Variants in PIAS2 observed in about 807,000 individuals in gnomAD.
PIAS2 encodes the protein protein inhibitor of activated STAT 2.
Under a neutral mutation model 69.7 loss-of-function variants are expected in PIAS2, and 19 were observed. The ratio of observed to expected loss-of-function variants is 0.27; its 90% CI spans 0.19 to 0.40. The LOEUF is 0.40. PIAS2 is among the 10% of genes least tolerant of loss of function. The pLI is 1.00. For missense variants in PIAS2, 624 were observed against 757.0 expected (o/e 0.82, Z 2.06); for synonymous variants, 261 against 263.2 (o/e 0.99, Z 0.08).
At chr18:46,907,152 C>T (rs1221935322) in intron 1 of PIAS2, among the ~76,000 whole-genome samples, 2 of 152,224 alleles carry the variant, frequency 1.3e-5, no homozygotes, top group East Asian at 3.9e-4. Context: ...TCAGGGGAAA[C>T]AAGAGAAGGT....
chr18:46,822,459 C>T (rs1568364945), intron 11 of PIAS2, among the ~76,000 whole-genome samples: 1 of 152,194 alleles, frequency 6.6e-6, no homozygotes, highest in Non-Finnish European at 1.5e-5. Context: ...TTCCAAAAAT[C>T]AACCACATGT....
At chr18:46,916,403 T>TAA (rs34185543) in intron 1 of PIAS2, among the ~76,000 whole-genome samples, 1,992 of 147,002 alleles carry the variant, frequency 0.014, 35 homozygotes, top group African/African-American at 0.044. Flanking sequence ...TTGATACATT[T>TAA]AAAAAAAAAA....
At chr18:46,918,669 G>A (rs1440018459), upstream of PIAS2, among the ~76,000 whole-genome samples, 1 of 152,132 alleles carries the variant, frequency 6.6e-6, no homozygotes, top group Non-Finnish European at 1.5e-5. Context: ...TGATCCGCCC[G>A]CCTCGGCCTC....
intron 2 of PIAS2, among the ~76,000 whole-genome samples, chr18:46,886,835 C>T (rs867838231): frequency 1.3e-5 from 2 of 149,772 alleles, no homozygotes; most frequent in African/African-American, 5.0e-5. Context: ...AAGACTCTGT[C>T]CCCCCCCTCC....
chr18:46,846,801 C>A lies in PIAS2; in HGVS notation c.767G>T (p.Arg256Leu). The A allele has an allele frequency of 1.9e-6, 3 of 1,611,976 alleles. No individual in the cohort carries two copies. Among genetic ancestry groups the A allele is most frequent in the Non-Finnish European group, 2.5e-6 (3 of 1,178,934 alleles). The stretch of plus-strand genomic sequence containing the variant: ...TGTAATATTCAAGGGGCGTCCAGGG[C>A]GCTTCTGTTCAATCCCATTTTTAGG... ...PPPKNGIEQK[R>L]PGRPLNITSL... The change falls in exon 6 of 14, where the codon CGC becomes CTC. Residue 256 changes from arginine (R) to leucine (L), a missense_variant. Transcript: ENST00000585916.
intron 2 of PIAS2, among the ~76,000 whole-genome samples, chr18:46,874,988 G>A (rs2050937788): frequency 6.6e-6 from 1 of 152,146 alleles, no homozygotes; most frequent in Admixed American, 6.5e-5. Flanking sequence ...TCCACAGCCA[G>A]AGAAAAATGA....
Position 46,869,552 on chromosome 18 carries a change from C to T in PIAS2, c.500-5304G>A, listed in dbSNP as rs1458117558. 2.0e-5 allele frequency among the ~76,000 whole-genome samples: 3 copies of T among 152,282 alleles called. No individual in the cohort carries two copies. In the South Asian group the frequency reaches 6.2e-4, roughly 32 times the overall value. On this transcript the variant is annotated intron_variant, in intron 2 of 13. Transcript: ENST00000585916. ...ATCTCTAACATGTGGCATTGAGCCTCACATCAAACCTCCAGGATGGGAAAC... is the reference window on the plus strand; with the variant it reads ...ATCTCTAACATGTGGCATTGAGCCTTACATCAAACCTCCAGGATGGGAAAC...
chr18:46,829,723 T>C lies in PIAS2; in HGVS notation c.1336+11A>G, dbSNP rs754874977. On this transcript the variant is annotated intron_variant, in intron 10 of 13. Transcript: ENST00000585916. ...TCACTGCTTTACTCTCTGCTGCTAT[T>C]CTACACATACTTTCTATTTTTGTAC... 1 of 1,611,146 alleles carries C rather than the reference T, an allele frequency of 6.2e-7. No homozygotes were observed. The highest frequency in any genetic ancestry group is 1.7e-5 in the Admixed American group (1 of 59,682).
intron 2 of PIAS2, among the ~76,000 whole-genome samples, chr18:46,869,817 AGAGT>A (rs2050061135): frequency 6.6e-6 from 1 of 152,206 alleles, no homozygotes; most frequent in Non-Finnish European, 1.5e-5. Flanking sequence ...AACTTCTAAT[AGAGT>A]ATGTCAATGA....
chr18:46,914,237 G>C (rs1223820468), intron 1 of PIAS2, among the ~76,000 whole-genome samples: 1 of 152,088 alleles, frequency 6.6e-6, no homozygotes, highest in Non-Finnish European at 1.5e-5. Context: ...CCTTTTCAGA[G>C]AACTTCCCCA....
At chr18:46,864,292 T>C in intron 2 of PIAS2, 44 bp from the exon 3 acceptor site, 1 of 1,306,804 alleles carries the variant, frequency 7.7e-7, no homozygotes, top group Non-Finnish European at 1.1e-6. Flanking sequence ...CAATAACAAA[T>C]CCAACACTAC....
chr18:46,834,693 C>T (rs994536997), intron 9 of PIAS2, among the ~76,000 whole-genome samples: 3 of 152,182 alleles, frequency 2.0e-5, no homozygotes, highest in Admixed American at 1.3e-4. Flanking sequence ...TTGCTCACTG[C>T]GGCCTCAAAC....
intron 1 of PIAS2, among the ~76,000 whole-genome samples, chr18:46,906,988 G>A (rs1286673667): frequency 6.6e-6 from 1 of 152,050 alleles, no homozygotes; most frequent in Non-Finnish European, 1.5e-5. Flanking sequence ...GTGAATGCAG[G>A]AGGCACTACA....
chr18:46,858,450 C>T (rs1857123508), intron 3 of PIAS2, among the ~76,000 whole-genome samples: 2 of 152,280 alleles, frequency 1.3e-5, no homozygotes, highest in African/African-American at 4.8e-5. Flanking sequence ...CAGTGGCTCA[C>T]GCCTGTAATC....
At chr18:46,832,250 A>C (rs2043737863) in intron 9 of PIAS2, among the ~76,000 whole-genome samples, 1 of 151,968 alleles carries the variant, frequency 6.6e-6, no homozygotes, top group Non-Finnish European at 1.5e-5. Context: ...CCCTGTCTCT[A>C]CTAAAAATAC....
chr18:46,809,162 A>G lies in PIAS2; in HGVS notation c.*3271T>C, dbSNP rs1007493843. 1 of 152,196 alleles carries G rather than the reference A, an allele frequency of 6.6e-6. No homozygotes were observed. The highest frequency in any genetic ancestry group is 1.5e-5 in the Non-Finnish European group (1 of 68,034). 9.4% of individuals were successfully genotyped at this position (152,196 alleles called of 1,614,324 possible). ...TACCAAGAATTATGAATCAACCTAC[A>G]CTTGCTATCCCTTACATCACATTTT... On this transcript the variant is annotated 3_prime_UTR_variant, in exon 14 of 14. Transcript: ENST00000585916.
intron 11 of PIAS2, 102 bp downstream of exon 11, chr18:46,827,857 C>T (rs1031801151): frequency 1.0e-6 from 1 of 1,000,940 alleles, no homozygotes; most frequent in African/African-American, 1.6e-5. Flanking sequence ...ATTAAAATAG[C>T]CTTCTACAGT....
In PIAS2 at chr18:46,914,412, C is replaced by T. The variant is rs114953859; in HGVS notation, c.24+2910G>A. On this transcript the variant is annotated intron_variant, in intron 1 of 13. Transcript: ENST00000585916. ...AAGAGAGGTGGGCTGGTATTCTGGT[C>T]ACCCGGACTGAAAGGCAACAAGGTA... Among the ~76,000 whole-genome samples the T allele has an allele frequency of 6.3e-3, 959 of 152,250 alleles. 7 individuals carry two copies. Among genetic ancestry groups the T allele is most frequent in the African/African-American group, 0.022 (899 of 41,534 alleles).
chr18:46,827,423 A>G (rs1004591301), intron 11 of PIAS2: 1 of 152,240 alleles, frequency 6.6e-6, no homozygotes, highest in Non-Finnish European at 1.5e-5. Flanking sequence ...AAGGGAAAGG[A>G]ATCAATTTTT....
Sources: gnomAD v4.1 joint callset for allele counts (sites outside exome capture counted in the v4.1 genomes callset) on GRCh38, gnomAD v4.1.1 for gene constraint, MANE v1.5 for transcripts, NCBI Gene and HGNC (gene_info 2026-07-23, HGNC 2026-07-21) for gene names.